SMYD3: variants seen among roughly 807,000 people sequenced by gnomAD.
SMYD3 encodes the protein histone-lysine N-methyltransferase SMYD3.
Under a neutral mutation model 57.7 loss-of-function variants are expected in SMYD3, and 36 were observed. That is an observed-to-expected ratio of 0.62 (90% CI 0.48 to 0.82). The LOEUF (loss-of-function observed/expected upper bound fraction) is 0.82, where lower values mean the gene tolerates loss of function less well. Among genes scored for constraint, SMYD3 ranks in the 40% least tolerant of loss-of-function variants. SMYD3 has a pLI of 0.00. For synonymous variants in SMYD3, 211 were observed against 195.0 expected, an observed-to-expected ratio of 1.08 and a Z score of -0.68; for missense variants, 515 against 538.8, an observed-to-expected ratio of 0.96 and a Z score of 0.44.
At chr1:246,311,759 G>T (rs12048180) in intron 5 of SMYD3, among the ~76,000 whole-genome samples, 1 of 152,120 alleles carries the variant, frequency 6.6e-6, no homozygotes, top group African/African-American at 2.4e-5. Context: ...GCAGCTTTAC[G>T]AATTGGTTCA....
intron 5 of SMYD3, among the ~76,000 whole-genome samples, chr1:246,118,979 A>G (rs2061382599): frequency 1.3e-5 from 2 of 151,902 alleles, no homozygotes; most frequent in Admixed American, 1.3e-4. Flanking sequence ...GCTTCTCTAG[A>G]CTTGGAATAC....
chr1:246,467,149 G>A (rs1042374994), intron 1 of SMYD3, among the ~76,000 whole-genome samples: 5 of 151,840 alleles, frequency 3.3e-5, no homozygotes, highest in Non-Finnish European at 7.4e-5. Flanking sequence ...CAGCCTTGGC[G>A]ACAGAGTGAG....
In SMYD3 at chr1:245,950,905, C is replaced by T. The variant is rs144338510; in HGVS notation, c.532-20968G>A. Among the ~76,000 whole-genome samples the T allele has an allele frequency of 2.9e-3, 439 of 152,304 alleles. 5 individuals carry two copies. The highest frequency in any genetic ancestry group is 9.9e-3 in the African/African-American group (410 of 41,564). The stretch of plus-strand genomic sequence containing the variant: ...CTAAATAACAGAGTAAAAACACTTA[C>T]GCAGATAATTTGGGTAGGGAAACTG... On this transcript the variant is annotated intron_variant, in intron 5 of 11. Coordinates refer to ENST00000490107, the MANE Select transcript of SMYD3 (RefSeq NM_001167740.2).
chr1:245,998,662 A>ATGCC (rs1215607516), intron 5 of SMYD3, among the ~76,000 whole-genome samples: 1 of 152,194 alleles, frequency 6.6e-6, no homozygotes, highest in Non-Finnish European at 1.5e-5. Flanking sequence ...TTCTCGGTAT[A>ATGCC]TGCCCAAAGC....
At chr1:245,918,615 T>C (rs1205127553) in intron 7 of SMYD3, among the ~76,000 whole-genome samples, 4 of 152,222 alleles carry the variant, frequency 2.6e-5, no homozygotes, top group African/African-American at 7.2e-5. Flanking sequence ...ATGAATGCTA[T>C]GTTCCAAATT....
At chr1:245,770,609 T>C (rs2046295526) in intron 10 of SMYD3, among the ~76,000 whole-genome samples, 1 of 152,130 alleles carries the variant, frequency 6.6e-6, no homozygotes, top group Non-Finnish European at 1.5e-5. Context: ...CTGCATTTGG[T>C]AAAATTATAA....
chr1:246,278,915 C>T (rs1367453269), intron 5 of SMYD3, among the ~76,000 whole-genome samples: 3 of 152,160 alleles, frequency 2.0e-5, no homozygotes, highest in Non-Finnish European at 2.9e-5. Context: ...AGAACACAAG[C>T]GCTAGGCAGA....
intron 5 of SMYD3, chr1:246,306,015 T>C (rs374791337): frequency 4.0e-4 from 61 of 152,340 alleles, no homozygotes; most frequent in African/African-American, 1.4e-3. Context: ...CCACAAAATA[T>C]ATTTCTGCTC....
At chr1:246,149,808 G>A (rs1042026670) in intron 5 of SMYD3, among the ~76,000 whole-genome samples, 1 of 152,126 alleles carries the variant, frequency 6.6e-6, no homozygotes, top group Non-Finnish European at 1.5e-5. Context: ...CGATTCTAAG[G>A]AGCATCCTTG....
At position 245,858,568 on chromosome 1, in the gene SMYD3, A is replaced by G. The variant is rs779378760; in HGVS notation, c.1004T>C (p.Met335Thr). 3.1e-6 allele frequency: 5 copies of G among 1,614,252 alleles called. No individual in the cohort carries two copies. Among genetic ancestry groups the G allele is most frequent in the Non-Finnish European group, 2.5e-6 (3 of 1,180,050 alleles). Residue 335 changes from methionine to threonine, a missense_variant, in exon 10 of 12, where the codon ATG becomes ACG. Met to Thr is a moderately conservative substitution (Grantham distance 81). Coordinates refer to ENST00000490107, the MANE Select transcript of SMYD3 (RefSeq NM_001167740.2). The stretch of plus-strand genomic sequence containing the variant: ...CAGGCCGAGGTTGATGCAGGCATCC[A>G]TGGCGCAGTCGAGCACCTTCAGCTG... ...IYQLKVLDCA[M>T]DACINLGLLE... is the part of the protein sequence containing the mutation.
chr1:246,024,406 AGG>A (rs1558160011), intron 5 of SMYD3, among the ~76,000 whole-genome samples: 5 of 7,450 alleles, frequency 6.7e-4, no homozygotes, highest in African/African-American at 2.9e-3. Flanking sequence ...GCATCTAGGA[AGG>A]AGATACAGGA....
At chr1:246,052,876 T>C (rs2060086124) in intron 5 of SMYD3, 1 of 152,302 alleles carries the variant, frequency 6.6e-6, no homozygotes, top group South Asian at 2.1e-4. Flanking sequence ...CTAGAATAGG[T>C]GTTGCATACA....
chr1:245,856,415 C>T (rs2051243173), intron 10 of SMYD3, among the ~76,000 whole-genome samples: 1 of 152,206 alleles, frequency 6.6e-6, no homozygotes, highest in Non-Finnish European at 1.5e-5. Context: ...GGAAATTTGT[C>T]ACCCAGCATA....
chr1:245,805,479 A>G (rs1471757352), intron 10 of SMYD3, among the ~76,000 whole-genome samples: 1 of 152,372 alleles, frequency 6.6e-6, no homozygotes, highest in East Asian at 1.9e-4. Context: ...TGAGCTGGTT[A>G]AACATTTGCT....
At chr1:245,836,696 G>C (rs971276295) in intron 10 of SMYD3, among the ~76,000 whole-genome samples, 1 of 152,192 alleles carries the variant, frequency 6.6e-6, no homozygotes, top group African/African-American at 2.4e-5. Flanking sequence ...AGAACTCAGA[G>C]AGCACTCACT....
intron 5 of SMYD3, among the ~76,000 whole-genome samples, chr1:246,227,379 G>A (rs1414798035): frequency 4.6e-5 from 7 of 152,216 alleles, no homozygotes; most frequent in Non-Finnish European, 4.4e-5. Context: ...ACTTTGGGAG[G>A]CCAAGGCAGG....
At chr1:245,752,512 C>CT (rs141394117) in intron 11 of SMYD3, among the ~76,000 whole-genome samples, 7,588 of 152,312 alleles carry the variant, frequency 0.05, 294 homozygotes, top group African/African-American at 0.094. Flanking sequence ...CATAAGTTCA[C>CT]TGGCATGCTT....
chr1:246,099,009 T>C (rs1573019708), intron 5 of SMYD3, among the ~76,000 whole-genome samples: 1 of 152,166 alleles, frequency 6.6e-6, no homozygotes, highest in Non-Finnish European at 1.5e-5. Flanking sequence ...TCTCCCACCC[T>C]TTTCCAGCCA....
At chr1:246,028,736 A>G (rs2059618369) in intron 5 of SMYD3, among the ~76,000 whole-genome samples, 1 of 152,220 alleles carries the variant, frequency 6.6e-6, no homozygotes, top group South Asian at 2.1e-4. Context: ...TTAAATCCTA[A>G]AATTTGTATG....
Sources: gnomAD v4.1 joint callset for allele counts (sites outside exome capture counted in the v4.1 genomes callset) on GRCh38, gnomAD v4.1.1 for gene constraint, MANE v1.5 for transcripts, NCBI Gene and HGNC (gene_info 2026-07-23, HGNC 2026-07-21) for gene names.